Variants in XNDC1N observed in about 807,000 individuals in gnomAD.
XNDC1N encodes the protein XRCC1 N-terminal domain containing 1, N-terminal like, also known as protein XNDC1N.
the XNDC1N span, chr11:71,903,606 G>T: frequency 1.9e-4 from 112 of 594,366 alleles, no homozygotes; most frequent in Non-Finnish European, 2.9e-4. Context: ...TCTTGAACCC[G>T]TGTTTCTGTG....
chr11:71,888,968 G>A, the XNDC1N span, among the ~76,000 whole-genome samples: 1 of 152,184 alleles, frequency 6.6e-6, no homozygotes, highest in African/African-American at 2.4e-5. Flanking sequence ...CCAGCCTTGG[G>A]CATCAGTAGA....
chr11:71,877,851 C>G, the XNDC1N span, among the ~76,000 whole-genome samples: 1 of 152,182 alleles, frequency 6.6e-6, no homozygotes, highest in African/African-American at 2.4e-5. Context: ...AAGGCCCACT[C>G]TTCTTTCTTT....
At chr11:71,880,690 T>C in the XNDC1N span, among the ~76,000 whole-genome samples, 1 of 152,216 alleles carries the variant, frequency 6.6e-6, no homozygotes, top group Non-Finnish European at 1.5e-5. Flanking sequence ...TTGTATTCCA[T>C]AGGCTTTGGT....
chr11:71,884,787 T>C, the XNDC1N span, among the ~76,000 whole-genome samples: 8 of 152,212 alleles, frequency 5.3e-5, no homozygotes, highest in Non-Finnish European at 8.8e-5. Flanking sequence ...GTTTCACCCA[T>C]AGTACTATAT....
At chr11:71,886,420 A>AC in the XNDC1N span, among the ~76,000 whole-genome samples, 1 of 151,886 alleles carries the variant, frequency 6.6e-6, no homozygotes, top group South Asian at 2.1e-4. Flanking sequence ...CCAGGAACAG[A>AC]CCCCCAGTTG....
the XNDC1N span, among the ~76,000 whole-genome samples, chr11:71,922,611 C>T: frequency 6.6e-6 from 1 of 152,198 alleles, no homozygotes; most frequent in African/African-American, 2.4e-5. Flanking sequence ...CTAAGGATCT[C>T]CTTGAAATGT....
At chr11:71,889,790 T>C in the XNDC1N span, among the ~76,000 whole-genome samples, 1 of 152,166 alleles carries the variant, frequency 6.6e-6, no homozygotes, top group East Asian at 1.9e-4. Flanking sequence ...CAAGTGGACT[T>C]CACAGAGATG....
At chr11:71,919,458 G>A in the XNDC1N span, among the ~76,000 whole-genome samples, 2 of 150,730 alleles carry the variant, frequency 1.3e-5, no homozygotes, top group Admixed American at 6.6e-5. Context: ...GCACAATCTC[G>A]GCTCACTGCA....
the XNDC1N span, among the ~76,000 whole-genome samples, chr11:71,912,111 C>T: frequency 6.6e-6 from 1 of 152,164 alleles, no homozygotes. Context: ...TTCTACATCT[C>T]ACCTTTGTCA....
At chr11:71,890,744 A>G in the XNDC1N span, among the ~76,000 whole-genome samples, 1 of 151,874 alleles carries the variant, frequency 6.6e-6, no homozygotes, top group Non-Finnish European at 1.5e-5. Flanking sequence ...TAAGAACAAT[A>G]TCGTAGGGGT....
At chr11:71,900,274 T>C in the XNDC1N span, among the ~76,000 whole-genome samples, 2 of 152,194 alleles carry the variant, frequency 1.3e-5, no homozygotes, top group Non-Finnish European at 2.9e-5. Context: ...TCCCCTGGGC[T>C]CACTGTTGTT....
chr11:71,885,190 T>C, the XNDC1N span, among the ~76,000 whole-genome samples: 1 of 151,976 alleles, frequency 6.6e-6, no homozygotes, highest in African/African-American at 2.4e-5. Context: ...CAAAGGGGTG[T>C]TTCTACTCCC....
At chr11:71,917,495 T>C in the XNDC1N span, 1 of 685,694 alleles carries the variant, frequency 1.5e-6, no homozygotes, top group Admixed American at 2.0e-5. Context: ...CCAACAGATA[T>C]AATTAAACCC....
chr11:71,898,957 T>G, the XNDC1N span, among the ~76,000 whole-genome samples: 1 of 152,178 alleles, frequency 6.6e-6, no homozygotes, highest in African/African-American at 2.4e-5. Flanking sequence ...AGATGAAAAT[T>G]AAAGCAGTTG....
chr11:71,902,426 A>AG, the XNDC1N span, among the ~76,000 whole-genome samples: 1 of 152,192 alleles, frequency 6.6e-6, no homozygotes, highest in Non-Finnish European at 1.5e-5. Context: ...CTCCTGACCC[A>AG]GTGATCCGCC....
At chr11:71,910,703 G>A in the XNDC1N span, among the ~76,000 whole-genome samples, 5 of 152,190 alleles carry the variant, frequency 3.3e-5, no homozygotes, top group Admixed American at 6.5e-5. Flanking sequence ...AACAGGGGTC[G>A]GAACACAGCC....
At chr11:71,921,076 C>T in the XNDC1N span, among the ~76,000 whole-genome samples, 1 of 151,966 alleles carries the variant, frequency 6.6e-6, no homozygotes, top group Non-Finnish European at 1.5e-5. Flanking sequence ...CCTCAAATCC[C>T]TGGGAGGATC....
chr11:71,908,411 T>C, the XNDC1N span, among the ~76,000 whole-genome samples: 1 of 152,052 alleles, frequency 6.6e-6, no homozygotes, highest in African/African-American at 2.4e-5. Context: ...AATTATATTA[T>C]GGGTTATTAA....
At chr11:71,911,133 C>T in the XNDC1N span, among the ~76,000 whole-genome samples, 112 of 152,344 alleles carry the variant, frequency 7.4e-4, no homozygotes, top group African/African-American at 2.6e-3. Context: ...AGCAACTGCC[C>T]TGCAAGTACA....
Sources: allele counts gnomAD v4.1 joint callset (sites outside exome capture counted in the v4.1 genomes callset), GRCh38; gene constraint gnomAD v4.1.1; transcripts MANE v1.5; gene names NCBI Gene and HGNC (gene_info 2026-07-23, HGNC 2026-07-21).